The following SLC12A2 variants were observed in gnomAD, a reference collection of about 807,000 sequenced individuals.
SLC12A2 encodes solute carrier family 12 member 2, also known as Na-K-2Cl cotransporter 1.
SLC12A2 carries 67 observed loss-of-function variants against 136.3 expected under a neutral mutation model. That is an observed-to-expected ratio of 0.49 (90% CI 0.40 to 0.60). The LOEUF is 0.60. Among genes scored for constraint, SLC12A2 ranks in the 20% least tolerant of loss-of-function variants. SLC12A2 has a pLI of 0.00. For missense variants in SLC12A2, 1,322 were observed against 1,534.7 expected, an observed-to-expected ratio of 0.86 and a Z score of 2.32; for synonymous variants, 619 against 562.9, an observed-to-expected ratio of 1.10 and a Z score of -1.41.
intron 4 of SLC12A2, among the ~76,000 whole-genome samples, chr5:128,117,719 T>C (rs1227658731): frequency 6.6e-6 from 1 of 152,118 alleles, no homozygotes; most frequent in East Asian, 1.9e-4. Flanking sequence ...CAAAACTAAA[T>C]GGGACCTAAT....
intron 2 of SLC12A2, among the ~76,000 whole-genome samples, chr5:128,113,786 ATAT>A (rs1278141707): frequency 1.3e-5 from 2 of 152,212 alleles, no homozygotes; most frequent in African/African-American, 2.4e-5. Flanking sequence ...GTATCGACAA[ATAT>A]TATGTAATAC....
At chr5:128,144,338 TA>T (rs1345941394) in intron 10 of SLC12A2, among the ~76,000 whole-genome samples, 1 of 152,146 alleles carries the variant, frequency 6.6e-6, no homozygotes, top group Non-Finnish European at 1.5e-5. Flanking sequence ...TGTGAAAATA[TA>T]AATACCTTGG....
At chr5:128,126,966 A>ATATATTT in intron 4 of SLC12A2, among the ~76,000 whole-genome samples, 13 of 21,154 alleles carry the variant, frequency 6.1e-4, no homozygotes, top group South Asian at 2.2e-3. Flanking sequence ...ATATATATAT[A>ATATATTT]TTTTTTTTTT....
At chr5:128,136,528 T>C (rs2126705356) in intron 7 of SLC12A2, among the ~76,000 whole-genome samples, 2 of 152,262 alleles carry the variant, frequency 1.3e-5, no homozygotes, top group Middle Eastern at 6.8e-3. Flanking sequence ...ACCAAATGGC[T>C]TCATCCTTAA....
chr5:128,139,891 A>G (rs910477093), intron 9 of SLC12A2, among the ~76,000 whole-genome samples: 5 of 152,256 alleles, frequency 3.3e-5, no homozygotes, highest in African/African-American at 9.6e-5. Flanking sequence ...AATTATATTT[A>G]TAAACTCTAC....
rs1221105637 is a variant in SLC12A2, at chr5:128,126,961, TA to T, written c.1049-4105del. On this transcript the variant is annotated intron_variant, in intron 4 of 26. Transcript: ENST00000262461. ...ACCTACATATATATATATATATATA[TA>T]TATATTTTTTTTTTTTTTTTTTTTT... Among the ~76,000 whole-genome samples, 52 of 45,194 alleles carry T rather than the reference TA, an allele frequency of 1.2e-3. 4 individuals carry two copies. Among genetic ancestry groups the T allele is most frequent in the Non-Finnish European group, 1.6e-3 (40 of 24,968 alleles). 29.6% of individuals were successfully genotyped at this position (45,194 alleles called of 152,430 possible). A position where few individuals can be genotyped will look rare whatever the true frequency, so the allele number is the denominator to read the frequency against.
intron 4 of SLC12A2, among the ~76,000 whole-genome samples, chr5:128,115,017 A>G (rs890687417): frequency 2.6e-5 from 4 of 152,182 alleles, no homozygotes; most frequent in Admixed American, 2.6e-4. Flanking sequence ...TCAACATTGT[A>G]TTGGGGTAAC....
At chr5:128,098,664 C>G (rs1760633680) in intron 1 of SLC12A2, among the ~76,000 whole-genome samples, 1 of 151,746 alleles carries the variant, frequency 6.6e-6, no homozygotes, top group Non-Finnish European at 1.5e-5. Context: ...CTAAAAGGCA[C>G]TTTTTATCTA....
chr5:128,167,570 T>G (rs1038688852), intron 17 of SLC12A2, among the ~76,000 whole-genome samples, 191 bp from the exon 18 acceptor site: 2 of 152,118 alleles, frequency 1.3e-5, no homozygotes, highest in Non-Finnish European at 2.9e-5. Flanking sequence ...TATTTTTGTG[T>G]ATGTTTAATT....
intron 15 of SLC12A2, among the ~76,000 whole-genome samples, chr5:128,154,382 A>T (rs955772291): frequency 5.3e-5 from 8 of 152,008 alleles, no homozygotes; most frequent in Non-Finnish European, 1.0e-4. Context: ...GTACCACTAC[A>T]TGCTAGCCTG....
At chr5:128,094,086 T>C (rs1022738233) in intron 1 of SLC12A2, among the ~76,000 whole-genome samples, 8 of 151,952 alleles carry the variant, frequency 5.3e-5, no homozygotes, top group African/African-American at 1.9e-4. Flanking sequence ...CATCCTCCAG[T>C]CTAGAACAAA....
rs1431592629 is a variant in SLC12A2 at position 128,188,371 on chromosome 5, T to C, written c.*1740T>C. On this transcript the variant is annotated 3_prime_UTR_variant, in exon 27 of 27. Coordinates refer to ENST00000262461, the MANE Select transcript of SLC12A2 (RefSeq NM_001046.3). Reference sequence around the variant, plus strand: ...ATGCAGTAACGTGATCTTGGCTCACTGCGACCTCCACCTCCCCAGTTCAAG... The same window carrying C: ...ATGCAGTAACGTGATCTTGGCTCACCGCGACCTCCACCTCCCCAGTTCAAG... The C allele has an allele frequency of 6.9e-6, 1 of 143,982 alleles. No individual in the cohort carries two copies. The highest frequency in any genetic ancestry group is 1.5e-5 in the Non-Finnish European group (1 of 66,832). The allele number at this position is 143,982 out of a possible 1,614,324, so 8.9% of individuals were successfully genotyped here. A position where few individuals can be genotyped will look rare whatever the true frequency, so the allele number is the denominator to read the frequency against.
intron 9 of SLC12A2, 64 bp from the exon 10 acceptor site, chr5:128,141,766 A>G (rs1762371456): frequency 2.2e-6 from 3 of 1,362,690 alleles, no homozygotes; most frequent in South Asian, 2.9e-5. Context: ...ATATATATGT[A>G]TATAAAATTC....
In SLC12A2 at chr5:128,111,696, C is replaced by T. The variant is rs897162030; in HGVS notation, c.757-1118C>T. Among the ~76,000 whole-genome samples the T allele has an allele frequency of 6.7e-5, 10 of 148,260 alleles. No homozygotes were observed. In the South Asian group the frequency reaches 1.1e-3, roughly 16 times the overall value. ...AGGAGAATGGCATGAACCTGGGAGG[C>T]GGAGCTTGCAGTGAGCTGAGATCGC... On this transcript the variant is annotated intron_variant, in intron 1 of 26. Transcript: ENST00000262461.
intron 1 of SLC12A2, among the ~76,000 whole-genome samples, chr5:128,093,378 A>T (rs1334125661): frequency 6.6e-6 from 1 of 152,028 alleles, no homozygotes; most frequent in African/African-American, 2.4e-5. Flanking sequence ...CTGTAGTCCA[A>T]TGACTCCCGA....
At chr5:128,131,475 C>T (rs574544230) in intron 5 of SLC12A2, among the ~76,000 whole-genome samples, 31 of 150,892 alleles carry the variant, frequency 2.1e-4, no homozygotes, top group Admixed American at 1.7e-3. Context: ...GAGCGGATCA[C>T]GAGGTCAGGA....
At chr5:128,176,023 A>G (rs1763531155) in intron 20 of SLC12A2, among the ~76,000 whole-genome samples, 1 of 152,010 alleles carries the variant, frequency 6.6e-6, no homozygotes, top group African/African-American at 2.4e-5. Flanking sequence ...TCAACAGTGT[A>G]GATACTATAG....
At chr5:128,176,341 A>G (rs1356640936) in intron 20 of SLC12A2, among the ~76,000 whole-genome samples, 5 of 152,008 alleles carry the variant, frequency 3.3e-5, no homozygotes, top group African/African-American at 7.2e-5. Context: ...GTAAGATTGC[A>G]ATCTTGCAGC....
At chr5:128,136,412 T>A (rs1186467982) in intron 7 of SLC12A2, among the ~76,000 whole-genome samples, 4 of 152,158 alleles carry the variant, frequency 2.6e-5, no homozygotes, top group African/African-American at 9.7e-5. Flanking sequence ...GTCAAGGTTA[T>A]ACCTGCACAG....
Sources: gnomAD v4.1 joint callset for allele counts (sites outside exome capture counted in the v4.1 genomes callset) on GRCh38, gnomAD v4.1.1 for gene constraint, MANE v1.5 for transcripts, NCBI Gene and HGNC (gene_info 2026-07-23, HGNC 2026-07-21) for gene names.